ERP44: variants seen among roughly 807,000 people sequenced by gnomAD.
ERP44 encodes endoplasmic reticulum resident protein 44.
In ERP44, 25 loss-of-function variants were observed where a neutral mutation model predicts 53.4. The ratio of observed to expected loss-of-function variants is 0.47; its 90% CI spans 0.34 to 0.65. The LOEUF (loss-of-function observed/expected upper bound fraction) is 0.65. Among genes scored for constraint, ERP44 ranks in the 30% least tolerant of loss-of-function variants. ERP44 has a pLI of 0.01. For synonymous variants in ERP44, 145 were observed against 161.2 expected (o/e 0.90, Z 0.76); for missense variants, 338 against 493.2 (o/e 0.69, Z 2.98).
chr9:99,985,462 G>T (rs538546302), intron 10 of ERP44, among the ~76,000 whole-genome samples: 26 of 152,326 alleles, frequency 1.7e-4, no homozygotes, highest in African/African-American at 6.3e-4. Context: ...GGGAAAAATA[G>T]TTAGGGGCTA....
chr9:99,993,688 T>C (rs1178499009), intron 10 of ERP44, among the ~76,000 whole-genome samples: 1 of 152,180 alleles, frequency 6.6e-6, no homozygotes, highest in East Asian at 1.9e-4. Flanking sequence ...AAAGAGCTTC[T>C]GCACAGCAAA....
intron 4 of ERP44, among the ~76,000 whole-genome samples, chr9:100,050,990 T>C (rs1826030940): frequency 6.6e-6 from 1 of 152,198 alleles, no homozygotes; most frequent in Admixed American, 6.5e-5. Context: ...AATAGAAAGA[T>C]TTGAAATGAG....
intron 11 of ERP44, among the ~76,000 whole-genome samples, chr9:99,983,809 A>AT (rs1427015719): frequency 2.6e-5 from 4 of 152,210 alleles, no homozygotes; most frequent in African/African-American, 9.7e-5. Context: ...AGTGAGATAT[A>AT]TGTTTGGATT....
At chr9:100,046,524 T>C (rs1825972017) in intron 4 of ERP44, among the ~76,000 whole-genome samples, 1 of 151,924 alleles carries the variant, frequency 6.6e-6, no homozygotes, top group African/African-American at 2.4e-5. Flanking sequence ...TACAATAGCA[T>C]CAAAAAAATA....
At chr9:100,071,387 GC>G (rs1169801943) in intron 1 of ERP44, among the ~76,000 whole-genome samples, 1 of 152,110 alleles carries the variant, frequency 6.6e-6, no homozygotes, top group Admixed American at 6.6e-5. Context: ...TAAACATGTG[GC>G]CCTGACTGTT....
At chr9:100,078,511 T>C (rs941288185) in intron 1 of ERP44, among the ~76,000 whole-genome samples, 10 of 148,990 alleles carry the variant, frequency 6.7e-5, no homozygotes, top group Non-Finnish European at 1.0e-4. Flanking sequence ...TCCCAGCACT[T>C]TGGGAGGCAG....
chr9:99,985,043 A>G lies in ERP44; in HGVS notation c.1043T>C (p.Val348Ala), dbSNP rs750534937. The change falls in exon 11 of 12, where the codon GTA (valine) becomes GCA (alanine). Residue 348 changes from valine (V) to alanine (A), a missense_variant. Coordinates refer to ENST00000262455, the MANE Select transcript of ERP44 (RefSeq NM_015051.3). ...VLIPGKLKQF[V>A]FDLHSGKLHR... is the part of the protein sequence containing the mutation. ...CAGTTTTCCAGAATGTAAGTCAAATACGAATTGCTTGAGTTTTCCAGGAAT... is the reference window on the plus strand; with the variant it reads ...CAGTTTTCCAGAATGTAAGTCAAATGCGAATTGCTTGAGTTTTCCAGGAAT... 6 of 1,612,920 alleles carry G rather than the reference A, an allele frequency of 3.7e-6. No individual in the cohort carries two copies. Among genetic ancestry groups the G allele is most frequent in the Non-Finnish European group, 5.1e-6 (6 of 1,179,016 alleles).
At chr9:100,000,849 C>T (rs1045120364) in intron 10 of ERP44, among the ~76,000 whole-genome samples, 5 of 152,028 alleles carry the variant, frequency 3.3e-5, no homozygotes, top group African/African-American at 9.6e-5. Context: ...ATCTCAATTT[C>T]ATTTATTTCT....
At chr9:100,049,322 G>A (rs1380334344) in intron 4 of ERP44, among the ~76,000 whole-genome samples, 3 of 152,130 alleles carry the variant, frequency 2.0e-5, no homozygotes, top group African/African-American at 7.2e-5. Flanking sequence ...ACTGGGGCCT[G>A]GAAGGTCCGA....
chr9:100,086,497 C>T (rs1826484727), intron 1 of ERP44, among the ~76,000 whole-genome samples: 1 of 152,206 alleles, frequency 6.6e-6, no homozygotes, highest in African/African-American at 2.4e-5. Context: ...CATTTCACAA[C>T]GACTCCATTC....
chr9:100,012,015 G>T (rs1830481187), intron 8 of ERP44, among the ~76,000 whole-genome samples: 1 of 152,106 alleles, frequency 6.6e-6, no homozygotes, highest in Non-Finnish European at 1.5e-5. Context: ...GAGCATTTCA[G>T]ATTTTCAAAT....
At chr9:100,026,976 A>T (rs1265879811) in intron 4 of ERP44, among the ~76,000 whole-genome samples, 1 of 152,206 alleles carries the variant, frequency 6.6e-6, no homozygotes, top group Admixed American at 6.5e-5. Context: ...AACTTGATGA[A>T]TTAGGGGGCG....
intron 10 of ERP44, among the ~76,000 whole-genome samples, chr9:99,999,685 C>T (rs942278045): frequency 2.0e-5 from 3 of 151,960 alleles, no homozygotes; most frequent in Admixed American, 1.3e-4. Flanking sequence ...TTTAGTTTGA[C>T]GTAATCCAAT....
chr9:100,063,529 T>C (rs944986707), intron 1 of ERP44, among the ~76,000 whole-genome samples: 3 of 152,174 alleles, frequency 2.0e-5, no homozygotes, highest in Non-Finnish European at 2.9e-5. Flanking sequence ...TCAAATGCTA[T>C]AGTGCTTAAG....
At chr9:100,033,289 C>T (rs1215133653) in intron 4 of ERP44, among the ~76,000 whole-genome samples, 1 of 152,046 alleles carries the variant, frequency 6.6e-6, no homozygotes, top group African/African-American at 2.4e-5. Flanking sequence ...CCAATAAAAG[C>T]CCCTTGAGAA....
At chr9:100,076,062 T>C (rs1826352307) in intron 1 of ERP44, among the ~76,000 whole-genome samples, 1 of 152,218 alleles carries the variant, frequency 6.6e-6, no homozygotes, top group South Asian at 2.1e-4. Context: ...TGCCATCTTC[T>C]GCAGATAACT....
chr9:100,050,486 A>T (rs1826025219), intron 4 of ERP44, among the ~76,000 whole-genome samples: 1 of 152,238 alleles, frequency 6.6e-6, no homozygotes, highest in Admixed American at 6.5e-5. Context: ...TTCTCTTTAG[A>T]ACACAGAATT....
At position 99,980,864 on chromosome 9, in the gene ERP44, G is replaced by A. The variant is rs948043069; in HGVS notation, c.*1748C>T. The A allele has an allele frequency of 3.9e-5, 6 of 152,104 alleles. No homozygotes were observed. 9.4% of individuals were successfully genotyped at this position (152,104 alleles called of 1,614,324 possible). ...AGCATACTGAACACGTACTCCTTGA[G>A]GCCTTTTTCATAATAACTACTCTCA... is the stretch of plus-strand genomic sequence containing the variant. On this transcript the variant is annotated 3_prime_UTR_variant, in exon 12 of 12. Coordinates refer to ENST00000262455, the MANE Select transcript of ERP44 (RefSeq NM_015051.3).
At chr9:100,001,463 T>C (rs1191440078) in intron 10 of ERP44, among the ~76,000 whole-genome samples, 1 of 152,190 alleles carries the variant, frequency 6.6e-6, no homozygotes, top group Non-Finnish European at 1.5e-5. Context: ...TATTACTGTA[T>C]TATAGTCTCC....
Sources: allele counts gnomAD v4.1 joint callset (sites outside exome capture counted in the v4.1 genomes callset), GRCh38; gene constraint gnomAD v4.1.1; transcripts MANE v1.5; gene names NCBI Gene and HGNC (gene_info 2026-07-23, HGNC 2026-07-21).